The following NHS variants were observed in gnomAD, a reference collection of about 807,000 sequenced individuals.
The protein encoded by NHS is actin remodeling regulator NHS.
NHS carries 5 observed loss-of-function variants against 72.5 expected under a neutral mutation model. The ratio of observed to expected loss-of-function variants is 0.07; its 90% CI spans 0.04 to 0.14. NHS has a LOEUF of 0.14. Among genes scored for constraint, NHS ranks in the 10% least tolerant of loss-of-function variants. NHS has a pLI of 1.00. For synonymous variants in NHS, 464 were observed against 547.7 expected, an observed-to-expected ratio of 0.85 and a Z score of 2.13; for missense variants, 1,072 against 1,355.7, an observed-to-expected ratio of 0.79 and a Z score of 3.29.
intron 1 of NHS, among the ~76,000 whole-genome samples, chrX:17,580,606 A>C (rs906019437): frequency 8.9e-6 from 1 of 112,380 alleles, no homozygotes; most frequent in Non-Finnish European, 1.9e-5. Context: ...TAGGGTTAGC[A>C]GTAGCTTTTC....
intron 1 of NHS, among the ~76,000 whole-genome samples, chrX:17,538,040 CGGAAGGCCAAGCATTCCCA>C (rs914812017): frequency 3.6e-5 from 4 of 112,051 alleles, no homozygotes; most frequent in African/African-American, 1.3e-4. Flanking sequence ...CCCCATCTTG[CGGAAGGCCAAGCATTCCCA>C]GGGCTAGTGG....
chrX:17,662,385 T>C (rs1188112480), intron 1 of NHS, among the ~76,000 whole-genome samples: 1 of 112,183 alleles, frequency 8.9e-6, no homozygotes, highest in Non-Finnish European at 1.9e-5. Context: ...TTTGTGTTTT[T>C]TTAGGGGATG....
intron 1 of NHS, among the ~76,000 whole-genome samples, chrX:17,486,114 G>A (rs1316273814): frequency 1.8e-5 from 2 of 112,232 alleles, no homozygotes; most frequent in African/African-American, 6.5e-5. Context: ...ACATCTGTCT[G>A]CATGTAGTAG....
intron 1 of NHS, among the ~76,000 whole-genome samples, chrX:17,594,936 G>T (rs2065618748): frequency 8.9e-6 from 1 of 112,333 alleles, no homozygotes; most frequent in African/African-American, 3.2e-5. Context: ...GCCTCTGGGA[G>T]AGGAGGAATC....
At chrX:17,377,662 C>A (rs895812366) in intron 1 of NHS, among the ~76,000 whole-genome samples, 3 of 113,578 alleles carry the variant, frequency 2.6e-5, no homozygotes, top group Admixed American at 9.2e-5. Flanking sequence ...CTCTTCCCCT[C>A]CTCCTCCGAA....
chrX:17,603,927 T>C (rs1321914565), intron 1 of NHS, among the ~76,000 whole-genome samples: 2 of 111,596 alleles, frequency 1.8e-5, no homozygotes, highest in Admixed American at 1.9e-4. Context: ...CCTGAAGGGC[T>C]ATGAGTTTGC....
At chrX:17,473,278 G>A (rs765949584) in intron 1 of NHS, among the ~76,000 whole-genome samples, 1 of 111,986 alleles carries the variant, frequency 8.9e-6, no homozygotes, top group Non-Finnish European at 1.9e-5. Flanking sequence ...TGACATATAT[G>A]AACCAGCCAG....
chrX:17,723,772 C>T (rs2027861), intron 5 of NHS, among the ~76,000 whole-genome samples: 261 of 11,310 alleles, frequency 0.023, 1 homozygote, highest in East Asian at 0.052. Context: ...TGTGTGTGTG[C>T]GCGCGCGTGC....
At chrX:17,729,144 C>A (rs1413570941) in intron 8 of NHS, among the ~76,000 whole-genome samples, 1 of 111,182 alleles carries the variant, frequency 9.0e-6, no homozygotes, top group Non-Finnish European at 1.9e-5. Context: ...TTTCTTGAAC[C>A]TAAAAAATAT....
At chrX:17,613,453 A>G (rs765293907) in intron 1 of NHS, among the ~76,000 whole-genome samples, 3 of 111,547 alleles carry the variant, frequency 2.7e-5, no homozygotes, top group Non-Finnish European at 5.7e-5. Flanking sequence ...GCCTAACTTC[A>G]TTTCCTTGAG....
chrX:17,462,547 A>C (rs1343999970), intron 1 of NHS, among the ~76,000 whole-genome samples: 1 of 112,079 alleles, frequency 8.9e-6, no homozygotes, highest in Non-Finnish European at 1.9e-5. Context: ...CACTGTTCCA[A>C]GTACTTTACA....
chrX:17,536,502 T>C lies in NHS; in HGVS notation c.566-151240T>C, dbSNP rs143231477. ...CTGTCTCTACCTAGTCAGAGATCCA[T>C]GTGTAGAGTATAGAGGGAAGGAAAA... On this transcript the variant is annotated intron_variant, in intron 1 of 8. Coordinates refer to ENST00000676302, the MANE Select transcript of NHS (RefSeq NM_001291867.2). Among the ~76,000 whole-genome samples the C allele has an allele frequency of 4.4e-3, 491 of 112,511 alleles. 2 individuals carry two copies. The highest frequency in any genetic ancestry group is 0.014 in the African/African-American group (448 of 30,991).
In NHS at chrX:17,376,331, C is replaced by T; in HGVS notation, c.565+9C>T. 1 of 1,141,252 alleles carries T rather than the reference C, an allele frequency of 8.8e-7. No homozygotes were observed. The highest frequency in any genetic ancestry group is 1.2e-6 in the Non-Finnish European group (1 of 860,762). 94.1% of individuals were successfully genotyped at this position (1,141,252 alleles called of 1,213,427 possible). Reference sequence around the variant, plus strand: ...TAAGCAGGAGGCAGTGCGTGAGTACCCGCGCCGTCCGCCCGCCAGGCTATG... The same window carrying T: ...TAAGCAGGAGGCAGTGCGTGAGTACTCGCGCCGTCCGCCCGCCAGGCTATG... On this transcript the variant is annotated intron_variant, in intron 1 of 8. Transcript: ENST00000676302.
chrX:17,572,205 A>G (rs1257205399), intron 1 of NHS, among the ~76,000 whole-genome samples: 1 of 111,193 alleles, frequency 9.0e-6, no homozygotes, highest in Non-Finnish European at 1.9e-5. Context: ...AGCTGAGTTC[A>G]AGTCCTGGAT....
chrX:17,392,399 A>G (rs1467444598), intron 1 of NHS, among the ~76,000 whole-genome samples: 2 of 112,526 alleles, frequency 1.8e-5, no homozygotes, highest in Non-Finnish European at 3.8e-5. Context: ...ACAGAGGTAC[A>G]GTGCTGGGAG....
intron 1 of NHS, among the ~76,000 whole-genome samples, chrX:17,449,415 G>T (rs1348509565): frequency 8.9e-6 from 1 of 112,360 alleles, no homozygotes; most frequent in Admixed American, 9.4e-5. Context: ...TATCAGTTAC[G>T]TGAAGTTCAA....
chrX:17,496,984 A>G (rs756935641), intron 1 of NHS, among the ~76,000 whole-genome samples: 1 of 112,308 alleles, frequency 8.9e-6, no homozygotes, highest in Non-Finnish European at 1.9e-5. Context: ...TCTGTGGTTC[A>G]TAGCAGTTTT....
intron 1 of NHS, among the ~76,000 whole-genome samples, chrX:17,656,063 G>A (rs1159073999): frequency 8.8e-6 from 1 of 113,364 alleles, no homozygotes; most frequent in Non-Finnish European, 1.9e-5. Context: ...CCTCTCTTTT[G>A]CGGGGAGAGG....
chrX:17,507,090 T>C (rs2065062386), intron 1 of NHS, among the ~76,000 whole-genome samples: 1 of 112,683 alleles, frequency 8.9e-6, no homozygotes, highest in Non-Finnish European at 1.9e-5. Context: ...TGGGTTGTAT[T>C]ACAATCCCAT....
Sources: gnomAD v4.1 joint callset for allele counts (sites outside exome capture counted in the v4.1 genomes callset) on GRCh38, gnomAD v4.1.1 for gene constraint, MANE v1.5 for transcripts, NCBI Gene and HGNC (gene_info 2026-07-23, HGNC 2026-07-21) for gene names.